The following TMEM117 variants were observed in gnomAD, a reference collection of about 807,000 sequenced individuals.
TMEM117 encodes the protein transmembrane protein 117.
In TMEM117, 27 loss-of-function variants were observed where a neutral mutation model predicts 52.4. The observed-to-expected ratio is 0.51, with a 90% CI of 0.38 to 0.71. The LOEUF (loss-of-function observed/expected upper bound fraction) is 0.71, where lower values mean the gene tolerates loss of function less well. Among genes scored for constraint, TMEM117 ranks in the 30% least tolerant of loss-of-function variants. The pLI is 0.00. For synonymous variants in TMEM117, 215 were observed against 206.3 expected (o/e 1.04, Z -0.36); for missense variants, 556 against 630.5 (o/e 0.88, Z 1.26).
upstream of TMEM117, among the ~76,000 whole-genome samples, chr12:43,832,927 C>T (rs1942991124): frequency 6.6e-6 from 1 of 152,168 alleles, no homozygotes; most frequent in Admixed American, 6.5e-5. Flanking sequence ...GAGCTTTTGT[C>T]ACTAATTGTT....
intron 5 of TMEM117, among the ~76,000 whole-genome samples, chr12:44,227,926 G>T (rs999736846): frequency 6.6e-6 from 1 of 152,076 alleles, no homozygotes; most frequent in African/African-American, 2.4e-5. Flanking sequence ...AGCATCTTAT[G>T]CCTTTCCAGA....
At chr12:43,886,774 T>A (rs1482577716) in intron 2 of TMEM117, among the ~76,000 whole-genome samples, 1 of 152,182 alleles carries the variant, frequency 6.6e-6, no homozygotes, top group African/African-American at 2.4e-5. Flanking sequence ...CGTGATCCTT[T>A]CTGTCCTCCC....
intron 3 of TMEM117, among the ~76,000 whole-genome samples, chr12:44,081,479 T>C (rs1382023705): frequency 6.6e-6 from 1 of 152,154 alleles, no homozygotes; most frequent in African/African-American, 2.4e-5. Context: ...TCTCTACAAT[T>C]ATTCACACTG....
At chr12:43,858,868 A>G (rs773817589) in intron 2 of TMEM117, among the ~76,000 whole-genome samples, 3 of 152,186 alleles carry the variant, frequency 2.0e-5, no homozygotes, top group Non-Finnish European at 4.4e-5. Context: ...GTTATTTGCA[A>G]GGGAAAGCAC....
chr12:43,799,480 T>C, the TMEM117 span: 1 of 1,606,412 alleles, frequency 6.2e-7, no homozygotes. Context: ...GTATTTTTTA[T>C]ATCCATGTAA....
chr12:44,233,001 A>G (rs1049209307), intron 5 of TMEM117, among the ~76,000 whole-genome samples: 4 of 151,338 alleles, frequency 2.6e-5, no homozygotes, highest in Non-Finnish European at 4.4e-5. Flanking sequence ...TTATTAAATT[A>G]TTATACTAAT....
intron 6 of TMEM117, among the ~76,000 whole-genome samples, chr12:44,341,794 T>C (rs549489695): frequency 1.3e-5 from 2 of 152,274 alleles, no homozygotes; most frequent in South Asian, 4.1e-4. Context: ...TCATGGATAT[T>C]GAATCTAGAA....
chr12:43,820,147 G>C, the TMEM117 span, among the ~76,000 whole-genome samples: 2 of 151,246 alleles, frequency 1.3e-5, no homozygotes, highest in Non-Finnish European at 2.9e-5. Context: ...TTGCCAAGTG[G>C]AGTGCTGTGG....
chr12:44,384,675 G>A (rs1952064733), intron 7 of TMEM117, among the ~76,000 whole-genome samples: 1 of 152,088 alleles, frequency 6.6e-6, no homozygotes, highest in African/African-American at 2.4e-5. Context: ...TTGGTATTTA[G>A]TAATGCATAC....
At chr12:43,808,501 A>G in the TMEM117 span, among the ~76,000 whole-genome samples, 2 of 152,148 alleles carry the variant, frequency 1.3e-5, no homozygotes, top group South Asian at 2.1e-4. Context: ...TAGAATTCCT[A>G]CTTTTTACAG....
upstream of TMEM117, among the ~76,000 whole-genome samples, chr12:43,832,766 C>G (rs1026817192): frequency 6.6e-6 from 1 of 152,172 alleles, no homozygotes; most frequent in Non-Finnish European, 1.5e-5. Flanking sequence ...ACCACTATGG[C>G]TACTTGTGAG....
intron 4 of TMEM117, among the ~76,000 whole-genome samples, chr12:44,192,991 T>A (rs1231308304): frequency 6.6e-6 from 1 of 152,200 alleles, no homozygotes; most frequent in Non-Finnish European, 1.5e-5. Context: ...GAGGTATGTG[T>A]TGGGAGGGGA....
intron 6 of TMEM117, among the ~76,000 whole-genome samples, chr12:44,374,007 C>A (rs1394206531): frequency 6.6e-6 from 1 of 151,958 alleles, no homozygotes; most frequent in Admixed American, 6.6e-5. Context: ...GTCTCAAACT[C>A]CTGATCTCAG....
At chr12:43,864,936 C>T (rs998724161) in intron 2 of TMEM117, among the ~76,000 whole-genome samples, 15 of 152,000 alleles carry the variant, frequency 9.9e-5, no homozygotes, top group South Asian at 8.3e-4. Flanking sequence ...CCAACAAGAC[C>T]GCAAACCCAC....
chr12:44,256,629 G>A (rs542851384), intron 5 of TMEM117, among the ~76,000 whole-genome samples: 2 of 152,134 alleles, frequency 1.3e-5, no homozygotes, highest in Non-Finnish European at 2.9e-5. Flanking sequence ...GTAATATAAT[G>A]CAATAGGAAT....
At chr12:44,157,590 A>C (rs570600129) in intron 4 of TMEM117, among the ~76,000 whole-genome samples, 3 of 152,254 alleles carry the variant, frequency 2.0e-5, no homozygotes, top group South Asian at 4.1e-4. Context: ...AAAAATAATG[A>C]GGTCGGCTGT....
chr12:44,232,368 T>A (rs192310075), intron 5 of TMEM117, among the ~76,000 whole-genome samples: 2 of 151,236 alleles, frequency 1.3e-5, no homozygotes, highest in Non-Finnish European at 3.0e-5. Context: ...TATGGAAAAG[T>A]TTATTTTTTT....
intron 2 of TMEM117, among the ~76,000 whole-genome samples, chr12:43,935,747 G>A (rs961146638): frequency 6.6e-6 from 1 of 152,176 alleles, no homozygotes; most frequent in African/African-American, 2.4e-5. Flanking sequence ...TACCTCCTGA[G>A]AGAGTCCATC....
chr12:44,094,009 A>G (rs1947715623), intron 3 of TMEM117, among the ~76,000 whole-genome samples: 1 of 152,132 alleles, frequency 6.6e-6, no homozygotes, highest in Non-Finnish European at 1.5e-5. Context: ...ATGAAAAATC[A>G]AGCAGAATGA....
Sources: allele counts gnomAD v4.1 joint callset (sites outside exome capture counted in the v4.1 genomes callset), GRCh38; gene constraint gnomAD v4.1.1; transcripts MANE v1.5; gene names NCBI Gene and HGNC (gene_info 2026-07-23, HGNC 2026-07-21).